Variants in TCF12 observed in about 807,000 individuals in gnomAD.
TCF12 encodes the protein DNA-binding protein HTF4.
A neutral mutation model predicts 86.0 loss-of-function variants in TCF12; 45 were observed. The observed-to-expected ratio is 0.52, with a 90% CI of 0.41 to 0.67. The LOEUF (loss-of-function observed/expected upper bound fraction) is 0.67. TCF12 is among the 30% of genes least tolerant of loss of function. TCF12 has a pLI of 0.00. For missense variants in TCF12, 881 were observed against 859.9 expected (o/e 1.02, Z -0.31); for synonymous variants, 330 against 299.6 (o/e 1.10, Z -1.05).
intron 3 of TCF12, among the ~76,000 whole-genome samples, chr15:57,010,705 C>T (rs1430984370): frequency 2.6e-5 from 4 of 152,084 alleles, no homozygotes; most frequent in African/African-American, 9.7e-5. Flanking sequence ...GAGTGAGAAA[C>T]GTGTTTACTG....
chr15:57,019,242 A>G (rs1463164719), intron 3 of TCF12, among the ~76,000 whole-genome samples: 1 of 152,198 alleles, frequency 6.6e-6, no homozygotes, highest in Non-Finnish European at 1.5e-5. Flanking sequence ...TGTAGTGACC[A>G]TGTGTTTTGA....
At chr15:57,009,193 C>G (rs1164520755) in intron 3 of TCF12, among the ~76,000 whole-genome samples, 1 of 152,182 alleles carries the variant, frequency 6.6e-6, no homozygotes, top group African/African-American at 2.4e-5. Context: ...ACTGCACCCT[C>G]TGCCTCCAGG....
intron 6 of TCF12, among the ~76,000 whole-genome samples, chr15:57,190,889 G>A (rs1195858811): frequency 2.6e-5 from 4 of 152,128 alleles, no homozygotes; most frequent in African/African-American, 9.7e-5. Flanking sequence ...TGAAAAAGAT[G>A]GGAATGGATG....
intron 3 of TCF12, among the ~76,000 whole-genome samples, chr15:56,969,455 C>T (rs979617113): frequency 6.6e-6 from 1 of 151,236 alleles, no homozygotes; most frequent in Non-Finnish European, 1.5e-5. Context: ...ACTGGAGGAA[C>T]AGGTTTTGGT....
At chr15:56,970,801 G>A (rs201890018) in intron 3 of TCF12, among the ~76,000 whole-genome samples, 1 of 152,066 alleles carries the variant, frequency 6.6e-6, no homozygotes, top group African/African-American at 2.4e-5. Flanking sequence ...TGTAATCTCA[G>A]CGCTTTGGGA....
At chr15:57,039,849 C>T (rs959172110) in intron 3 of TCF12, among the ~76,000 whole-genome samples, 2 of 152,182 alleles carry the variant, frequency 1.3e-5, no homozygotes. Flanking sequence ...ACAGTAACTA[C>T]CACTTAGGTG....
intron 18 of TCF12, among the ~76,000 whole-genome samples, chr15:57,265,092 GTATA>G (rs1425953681): frequency 1.4e-5 from 2 of 144,114 alleles, no homozygotes; most frequent in African/African-American, 5.1e-5. Context: ...GTATAGTATA[GTATA>G]GTATAGTATA....
intron 8 of TCF12, among the ~76,000 whole-genome samples, chr15:57,211,451 C>G (rs868541424): frequency 3.9e-5 from 6 of 152,040 alleles, no homozygotes; most frequent in African/African-American, 1.4e-4. Flanking sequence ...TTTAAATGAA[C>G]ATATTACTAG....
intron 3 of TCF12, among the ~76,000 whole-genome samples, chr15:56,944,318 T>G (rs761845829): frequency 6.6e-6 from 1 of 152,174 alleles, no homozygotes. Context: ...GGAACAGAAT[T>G]AAGTGATTGA....
chr15:57,164,569 G>C (rs1336020700), intron 5 of TCF12, among the ~76,000 whole-genome samples: 2 of 152,162 alleles, frequency 1.3e-5, no homozygotes, highest in Non-Finnish European at 2.9e-5. Context: ...CCTCCCACCA[G>C]GTCCCTCCCA....
At chr15:57,062,935 G>C (rs2068576593) in intron 3 of TCF12, among the ~76,000 whole-genome samples, 1 of 152,164 alleles carries the variant, frequency 6.6e-6, no homozygotes, top group Non-Finnish European at 1.5e-5. Context: ...CTTCAAAACA[G>C]AAGAGGTAGA....
chr15:57,221,540 AG>A (rs1269523524), intron 8 of TCF12, among the ~76,000 whole-genome samples: 1 of 145,740 alleles, frequency 6.9e-6, no homozygotes, highest in Non-Finnish European at 1.5e-5. Flanking sequence ...CTACATTGGG[AG>A]GGGGGTAGGG....
At chr15:57,184,740 G>A (rs985334427) in intron 6 of TCF12, among the ~76,000 whole-genome samples, 1 of 152,014 alleles carries the variant, frequency 6.6e-6, no homozygotes, top group African/African-American at 2.4e-5. Context: ...AATGTGCCCA[G>A]CCTGAGCAAA....
At chr15:56,924,286 G>A (rs1295829648) in intron 3 of TCF12, among the ~76,000 whole-genome samples, 1 of 152,080 alleles carries the variant, frequency 6.6e-6, no homozygotes, top group Non-Finnish European at 1.5e-5. Context: ...AAACTGTTCT[G>A]TCACCACAGG....
chr15:56,989,490 T>G (rs550633919), intron 3 of TCF12, among the ~76,000 whole-genome samples: 1 of 152,326 alleles, frequency 6.6e-6, no homozygotes, highest in South Asian at 2.1e-4. Flanking sequence ...ATCCTGGCTA[T>G]AGTTTGCAAA....
intron 16 of TCF12, among the ~76,000 whole-genome samples, chr15:57,259,242 G>GT (rs1241626362): frequency 6.6e-6 from 1 of 152,134 alleles, no homozygotes; most frequent in Non-Finnish European, 1.5e-5. Context: ...TGTAACAAAT[G>GT]TAATACTACC....
chr15:57,206,582 C>CTTTTTTTTTTTTTTT (rs67531540), intron 8 of TCF12, among the ~76,000 whole-genome samples: 1 of 83,808 alleles, frequency 1.2e-5, no homozygotes, highest in Non-Finnish European at 2.3e-5. Context: ...CTTGTATTCT[C>CTTTTTTTTTTTTTTT]TTTTTTTTTT....
chr15:57,171,104 A>G (rs1251218375), intron 6 of TCF12, among the ~76,000 whole-genome samples: 1 of 151,948 alleles, frequency 6.6e-6, no homozygotes, highest in Non-Finnish European at 1.5e-5. Flanking sequence ...CAAACAGTTT[A>G]TAAACATTTT....
At position 57,170,986 on chromosome 15, in the gene TCF12, T is replaced by C. The variant is rs1288517585; in HGVS notation, c.390+4520T>C. On this transcript the variant is annotated intron_variant, in intron 6 of 20. Coordinates refer to ENST00000333725, the MANE Select transcript of TCF12 (RefSeq NM_207037.2). The stretch of plus-strand genomic sequence containing the variant: ...AATGTCCAGGTGATTTTGATTCACA[T>C]GGACTAGAGTTCATGCTTTAAGAAA... Among the ~76,000 whole-genome samples, 3 of 149,698 alleles carry C rather than the reference T, an allele frequency of 2.0e-5. No individual in the cohort carries two copies. The Admixed American group carries it at 2.0e-4, about 10-fold the overall frequency.
Sources: gnomAD v4.1 joint callset for allele counts (sites outside exome capture counted in the v4.1 genomes callset) on GRCh38, gnomAD v4.1.1 for gene constraint, MANE v1.5 for transcripts, NCBI Gene and HGNC (gene_info 2026-07-23, HGNC 2026-07-21) for gene names.